KCNC2: variants seen among roughly 807,000 people sequenced by gnomAD.
The protein encoded by KCNC2 is voltage-gated potassium channel KCNC2.
KCNC2 carries 21 observed loss-of-function variants against 44.5 expected under a neutral mutation model. The ratio of observed to expected loss-of-function variants is 0.47; its 90% CI spans 0.33 to 0.68. The LOEUF (loss-of-function observed/expected upper bound fraction) is 0.68, where lower values mean the gene tolerates loss of function less well. Ranked by LOEUF, KCNC2 falls within the 30% of genes least tolerant of loss-of-function variation. KCNC2 has a pLI of 0.01. For missense variants in KCNC2, 589 were observed against 826.2 expected (o/e 0.71, Z 3.52); for synonymous variants, 391 against 339.1 (o/e 1.15, Z -1.68).
At chr12:75,046,817 A>T (rs1880575535) in intron 4 of KCNC2, among the ~76,000 whole-genome samples, 1 of 151,944 alleles carries the variant, frequency 6.6e-6, no homozygotes, top group Admixed American at 6.6e-5. Context: ...GAGGTATTTA[A>T]AATATTACTC....
intron 2 of KCNC2, among the ~76,000 whole-genome samples, chr12:75,162,660 G>A (rs779891404): frequency 6.6e-6 from 1 of 151,700 alleles, no homozygotes; most frequent in Non-Finnish European, 1.5e-5. Flanking sequence ...ATAAAAAGAG[G>A]CTTGCCCTGT....
chr12:75,171,549 AG>A (rs1199170349), intron 2 of KCNC2, among the ~76,000 whole-genome samples: 2 of 151,868 alleles, frequency 1.3e-5, no homozygotes, highest in Middle Eastern at 3.2e-3. Context: ...AGGCAAAGCA[AG>A]ACAAATATCA....
intron 2 of KCNC2, among the ~76,000 whole-genome samples, chr12:75,185,464 G>A (rs1020121978): frequency 9.9e-5 from 15 of 151,962 alleles, no homozygotes; most frequent in African/African-American, 3.4e-4. Context: ...TGCAGGAGCA[G>A]TTTCCTTATT....
At chr12:75,115,008 C>G (rs931976750) in intron 2 of KCNC2, among the ~76,000 whole-genome samples, 1 of 151,764 alleles carries the variant, frequency 6.6e-6, no homozygotes, top group Admixed American at 6.6e-5. Flanking sequence ...GGACTACAGG[C>G]GCCCGCCACC....
intron 2 of KCNC2, among the ~76,000 whole-genome samples, chr12:75,152,060 C>A (rs1458897805): frequency 6.9e-6 from 1 of 144,354 alleles, no homozygotes; most frequent in Non-Finnish European, 1.5e-5. Context: ...TTGCTGTGAA[C>A]CTATAATTAA....
intron 2 of KCNC2, among the ~76,000 whole-genome samples, chr12:75,059,619 T>C (rs1326895824): frequency 1.3e-5 from 2 of 152,116 alleles, no homozygotes; most frequent in African/African-American, 2.4e-5. Context: ...CTTGGTTATA[T>C]CCCAGTCCAG....
At chr12:75,177,523 A>T (rs1892274768) in intron 2 of KCNC2, among the ~76,000 whole-genome samples, 1 of 151,974 alleles carries the variant, frequency 6.6e-6, no homozygotes, top group Non-Finnish European at 1.5e-5. Context: ...AGGATAAAGG[A>T]GCTGTTAGAC....
At chr12:75,199,611 T>C (rs1321553511) in intron 2 of KCNC2, among the ~76,000 whole-genome samples, 1 of 151,934 alleles carries the variant, frequency 6.6e-6, no homozygotes, top group Non-Finnish European at 1.5e-5. Flanking sequence ...TTTTCTGTAT[T>C]GTATTTACTG....
chr12:75,158,798 A>G (rs1468518632), intron 2 of KCNC2, among the ~76,000 whole-genome samples: 1 of 151,906 alleles, frequency 6.6e-6, no homozygotes, highest in Non-Finnish European at 1.5e-5. Context: ...CAGCAGGGTT[A>G]TCTTCTACAG....
chr12:75,072,814 T>C (rs2137042124), intron 2 of KCNC2, among the ~76,000 whole-genome samples: 1 of 152,244 alleles, frequency 6.6e-6, no homozygotes, highest in Admixed American at 6.5e-5. Flanking sequence ...CTAAAGATCT[T>C]AAAAGGCCTT....
chr12:75,175,406 A>T (rs1341568692), intron 2 of KCNC2, among the ~76,000 whole-genome samples: 1 of 152,032 alleles, frequency 6.6e-6, no homozygotes, highest in Non-Finnish European at 1.5e-5. Flanking sequence ...GAGATTATAT[A>T]TGTGGGGAAT....
chr12:75,206,126 A>G (rs1270468597), intron 2 of KCNC2, among the ~76,000 whole-genome samples: 1 of 152,332 alleles, frequency 6.6e-6, no homozygotes, highest in African/African-American at 2.4e-5. Flanking sequence ...ATAGCTGCAT[A>G]ACGTCTCAGA....
At chr12:75,048,065 T>G (rs1401702770) in intron 4 of KCNC2, 88 bp downstream of exon 4, 1 of 1,197,538 alleles carries the variant, frequency 8.4e-7, no homozygotes, top group Non-Finnish European at 1.2e-6. Context: ...TCCTAGAAAA[T>G]GATGAATGAG....
intron 2 of KCNC2, among the ~76,000 whole-genome samples, chr12:75,053,951 G>A (rs575666519): frequency 7.3e-5 from 11 of 151,552 alleles, no homozygotes; most frequent in East Asian, 3.9e-4. Flanking sequence ...GGCCAGGCGC[G>A]GTGACTCTCG....
intron 2 of KCNC2, among the ~76,000 whole-genome samples, chr12:75,072,852 TC>T (rs933725902): frequency 7.9e-5 from 12 of 152,176 alleles, no homozygotes; most frequent in African/African-American, 1.4e-4. Flanking sequence ...AAGACATAAA[TC>T]TGTCAAAATT....
intron 2 of KCNC2, among the ~76,000 whole-genome samples, chr12:75,174,033 A>C (rs2137597399): frequency 6.6e-6 from 1 of 151,898 alleles, no homozygotes; most frequent in African/African-American, 2.4e-5. Flanking sequence ...ATTTAGTATA[A>C]TACTTTATCC....
At chr12:75,047,852 T>C (rs1880700743) in intron 4 of KCNC2, among the ~76,000 whole-genome samples, 1 of 152,124 alleles carries the variant, frequency 6.6e-6, no homozygotes, top group South Asian at 2.1e-4. Context: ...GAGTACATTA[T>C]ATTAAAGTAA....
At chr12:75,171,276 A>G (rs1891800947) in intron 2 of KCNC2, among the ~76,000 whole-genome samples, 1 of 151,770 alleles carries the variant, frequency 6.6e-6, no homozygotes, top group South Asian at 2.1e-4. Context: ...TTACAGAAAT[A>G]TCCCTTCCCA....
chr12:75,169,566 T>C (rs1565908451), intron 2 of KCNC2, among the ~76,000 whole-genome samples: 1 of 151,630 alleles, frequency 6.6e-6, no homozygotes, highest in Admixed American at 6.6e-5. Context: ...GGAATGTAAT[T>C]TACTTTTTCA....
Sources: allele counts gnomAD v4.1 joint callset (sites outside exome capture counted in the v4.1 genomes callset), GRCh38; gene constraint gnomAD v4.1.1; transcripts MANE v1.5; gene names NCBI Gene and HGNC (gene_info 2026-07-23, HGNC 2026-07-21).